GAB2: variants seen among roughly 807,000 people sequenced by gnomAD.
GAB2 encodes GRB2 associated binding protein 2.
GAB2 carries 26 observed loss-of-function variants against 65.5 expected under a neutral mutation model. The ratio of observed to expected loss-of-function variants is 0.40; its 90% CI spans 0.29 to 0.55. The LOEUF (loss-of-function observed/expected upper bound fraction) is 0.55. Ranked by LOEUF, GAB2 falls within the 20% of genes least tolerant of loss-of-function variation. The pLI is 0.53. For missense variants in GAB2, 884 were observed against 875.8 expected (o/e 1.01, Z -0.12); for synonymous variants, 321 against 329.6 (o/e 0.97, Z 0.28).
chr11:78,411,826 T>C (rs1292321756), intron 1 of GAB2, among the ~76,000 whole-genome samples: 6 of 151,582 alleles, frequency 4.0e-5, no homozygotes, highest in Non-Finnish European at 8.8e-5. Context: ...GGTCAAGAGA[T>C]TGAGACCATC....
chr11:78,302,400 A>G lies in GAB2; in HGVS notation c.76-21499T>C, dbSNP rs576063687. On this transcript the variant is annotated intron_variant, in intron 1 of 9. Coordinates refer to ENST00000361507, the MANE Select transcript of GAB2 (RefSeq NM_080491.3). Reference sequence around the variant, plus strand: ...ACTAACAGACAATTCTCAAAAGAAGATATGCAAATGGCTAACAGACATATG... The same window carrying G: ...ACTAACAGACAATTCTCAAAAGAAGGTATGCAAATGGCTAACAGACATATG... Among the ~76,000 whole-genome samples the G allele has an allele frequency of 3.9e-5, 6 of 152,348 alleles. No individual in the cohort carries two copies. In the East Asian group the frequency reaches 9.6e-4, roughly 24 times the overall value.
chr11:78,333,631 G>C (rs1486051560), intron 1 of GAB2, among the ~76,000 whole-genome samples: 1 of 152,148 alleles, frequency 6.6e-6, no homozygotes, highest in Non-Finnish European at 1.5e-5. Flanking sequence ...ACAAAATGTA[G>C]GTGGTCCTGT....
chr11:78,254,402 T>C (rs772240125), intron 2 of GAB2, among the ~76,000 whole-genome samples: 4 of 152,208 alleles, frequency 2.6e-5, no homozygotes, highest in Admixed American at 6.5e-5. Context: ...GTTAAGAAGA[T>C]GAAGTAGGGA....
rs184717952 is a variant in GAB2, at chr11:78,306,573, A to G, written c.76-25672T>C. On this transcript the variant is annotated intron_variant, in intron 1 of 9. Coordinates refer to ENST00000361507, the MANE Select transcript of GAB2 (RefSeq NM_080491.3). ...AGCTATCAATATAGTCATTCAGATC[A>G]TAAGTTTTCTCTGAAAGGATTATAA... Among the ~76,000 whole-genome samples, 6 of 152,348 alleles carry G rather than the reference A, an allele frequency of 3.9e-5. No individual in the cohort carries two copies. In the East Asian group the frequency reaches 5.8e-4, roughly 15 times the overall value.
At chr11:78,253,729 G>A (rs930792053) in intron 2 of GAB2, among the ~76,000 whole-genome samples, 1 of 152,180 alleles carries the variant, frequency 6.6e-6, no homozygotes, top group Non-Finnish European at 1.5e-5. Flanking sequence ...TAAACACAGT[G>A]ATGGCAGAGA....
rs565823052 is a variant in GAB2 at position 78,378,661 on chromosome 11, CTTTTG to C, written c.75+38980_75+38984del. On this transcript the variant is annotated intron_variant, in intron 1 of 9. Transcript: ENST00000361507. ...TCATAGTCACTTTTTTCTTTTTGTT[CTTTTG>C]TTTTGTTTCTTTGAAACAGGAGTCT... 2.1e-3 allele frequency among the ~76,000 whole-genome samples: 323 copies of C among 152,032 alleles called. 1 individual carries two copies. The highest frequency in any genetic ancestry group is 7.2e-3 in the African/African-American group (298 of 41,472).
At chr11:78,280,932 G>C in intron 1 of GAB2, 31 bp from the exon 2 acceptor site, 1 of 1,566,832 alleles carries the variant, frequency 6.4e-7, no homozygotes, top group Non-Finnish European at 8.8e-7. Flanking sequence ...GTAAGAAGAG[G>C]GGGAAGAAGT....
chr11:78,269,038 C>CT (rs111619816), intron 2 of GAB2, among the ~76,000 whole-genome samples: 4,231 of 148,712 alleles, frequency 0.028, 148 homozygotes, highest in African/African-American at 0.089. Context: ...TTTTTTCTTT[C>CT]TTTTTTTTTT....
At chr11:78,280,399 C>A (rs1011134876) in intron 2 of GAB2, 4 of 593,456 alleles carry the variant, frequency 6.7e-6, no homozygotes, top group Admixed American at 3.0e-5. Context: ...ACAACCCCAA[C>A]ACTTTTTTTT....
intron 1 of GAB2, among the ~76,000 whole-genome samples, chr11:78,310,273 C>A (rs570996784): frequency 1.3e-5 from 2 of 149,980 alleles, no homozygotes; most frequent in Non-Finnish European, 3.0e-5. Context: ...GAGGCCAAGG[C>A]GGTTGGATAA....
chr11:78,372,649 C>A (rs991598309), intron 1 of GAB2, among the ~76,000 whole-genome samples: 118 of 151,458 alleles, frequency 7.8e-4, no homozygotes, highest in African/African-American at 2.6e-3. Context: ...ATCTAAGTGG[C>A]TGTCCTGGGT....
intron 3 of GAB2, among the ~76,000 whole-genome samples, chr11:78,233,126 G>A (rs539430781): frequency 4.1e-5 from 6 of 145,968 alleles, no homozygotes; most frequent in African/African-American, 7.7e-5. Flanking sequence ...TGCAACCTCC[G>A]CCTCCTGGGC....
chr11:78,364,948 C>T (rs2134721075), intron 1 of GAB2, among the ~76,000 whole-genome samples: 1 of 152,152 alleles, frequency 6.6e-6, no homozygotes, highest in African/African-American at 2.4e-5. Flanking sequence ...GGTGGCAATG[C>T]TATGCTTGAA....
intron 1 of GAB2, among the ~76,000 whole-genome samples, chr11:78,416,862 A>G (rs952245863): frequency 2.0e-5 from 3 of 151,092 alleles, no homozygotes; most frequent in African/African-American, 7.3e-5. Flanking sequence ...TTCCCCACCT[A>G]GAGGGAAAAG....
At chr11:78,241,666 AAC>A (rs1333173989) in intron 3 of GAB2, among the ~76,000 whole-genome samples, 1 of 152,192 alleles carries the variant, frequency 6.6e-6, no homozygotes, top group Non-Finnish European at 1.5e-5. Flanking sequence ...TGAAATAAAA[AAC>A]ACAACAGAGA....
chr11:78,226,247 G>C (rs1341973207), intron 4 of GAB2, among the ~76,000 whole-genome samples: 4 of 152,162 alleles, frequency 2.6e-5, no homozygotes, highest in Non-Finnish European at 5.9e-5. Flanking sequence ...TAACTTCTCT[G>C]GGGCTAGCTC....
At chr11:78,290,378 C>T (rs1389878431) in intron 1 of GAB2, among the ~76,000 whole-genome samples, 1 of 152,138 alleles carries the variant, frequency 6.6e-6, no homozygotes, top group Non-Finnish European at 1.5e-5. Flanking sequence ...GAAAACAAAC[C>T]ATTTCACAAC....
intron 1 of GAB2, among the ~76,000 whole-genome samples, chr11:78,336,351 A>AC (rs1565164401): frequency 5.4e-5 from 8 of 148,006 alleles, no homozygotes; most frequent in African/African-American, 2.0e-4. Context: ...AAAAAAAAAA[A>AC]AAAAAAAAAA....
chr11:78,270,262 G>A (rs1363338119), intron 2 of GAB2, among the ~76,000 whole-genome samples: 3 of 152,010 alleles, frequency 2.0e-5, no homozygotes, highest in African/African-American at 2.4e-5. Context: ...GGGAGGTGGA[G>A]GGTGGAGGTT....
Sources: allele counts gnomAD v4.1 joint callset (sites outside exome capture counted in the v4.1 genomes callset), GRCh38; gene constraint gnomAD v4.1.1; transcripts MANE v1.5; gene names NCBI Gene and HGNC (gene_info 2026-07-23, HGNC 2026-07-21).